FNIP2: variants seen among roughly 807,000 people sequenced by gnomAD.
FNIP2 encodes the protein folliculin-interacting protein 2.
Under a neutral mutation model 108.7 loss-of-function variants are expected in FNIP2, and 32 were observed. The observed-to-expected ratio is 0.29, with a 90% confidence interval of 0.22 to 0.40. The LOEUF (loss-of-function observed/expected upper bound fraction) is 0.40, where lower values mean the gene tolerates loss of function less well. FNIP2 is among the 10% of genes least tolerant of loss of function. The probability of loss-of-function intolerance (pLI) is 1.00; values close to 1 mark genes in which losing one functional copy is unlikely to be tolerated. For missense variants in FNIP2, 1,202 were observed against 1,381.6 expected, an observed-to-expected ratio of 0.87 and a Z score of 2.06; for synonymous variants, 480 against 496.7, an observed-to-expected ratio of 0.97 and a Z score of 0.45.
Position 158,859,677 on chromosome 4 carries a change from A to G in FNIP2, c.1148+11A>G. 1 of 1,607,408 alleles carries G rather than the reference A, an allele frequency of 6.2e-7. No homozygotes were observed. The highest frequency in any genetic ancestry group is 1.3e-5 in the African/African-American group (1 of 74,938). The stretch of plus-strand genomic sequence containing the variant: ...TCTGGGAGAATTCAGGTAAAGTGGC[A>G]AAGTTTGGCAAATCCAACAGGAGAT... On this transcript the variant is annotated intron_variant, in intron 10 of 16. Coordinates refer to ENST00000264433, the MANE Select transcript of FNIP2 (RefSeq NM_020840.3).
chr4:158,905,256 G>C lies in FNIP2; in HGVS notation c.*712G>C, dbSNP rs1729732662. ...TGGTGCAATAAACCCAAGAATCAAT[G>C]TAGCCTCTTAATCCCATCAAGATGT... On this transcript the variant is annotated 3_prime_UTR_variant, in exon 17 of 17. Coordinates refer to ENST00000264433, the MANE Select transcript of FNIP2 (RefSeq NM_020840.3). 1 of 152,268 alleles carries C rather than the reference G, an allele frequency of 6.6e-6. No individual in the cohort carries two copies. The highest frequency in any genetic ancestry group is 1.5e-5 in the Non-Finnish European group (1 of 68,086). The allele number at this position is 152,268 out of a possible 1,614,324, so 9.4% of individuals were successfully genotyped here.
chr4:158,853,300 T>A (rs1223329893), intron 8 of FNIP2, among the ~76,000 whole-genome samples: 3 of 152,218 alleles, frequency 2.0e-5, no homozygotes, highest in Non-Finnish European at 4.4e-5. Context: ...TTTTTGATAA[T>A]TTTTTACTTG....
chr4:158,867,025 C>T (rs770307792), intron 12 of FNIP2, among the ~76,000 whole-genome samples: 2 of 152,188 alleles, frequency 1.3e-5, no homozygotes, highest in African/African-American at 2.4e-5. Context: ...AATAGTTAGG[C>T]ACTGAAGTAC....
chr4:158,769,584 C>A (rs980552568), intron 1 of FNIP2, among the ~76,000 whole-genome samples: 2 of 152,152 alleles, frequency 1.3e-5, no homozygotes, highest in East Asian at 3.9e-4. Flanking sequence ...GGTTCCCGGG[C>A]GTGCGCTGTG....
intron 1 of FNIP2, among the ~76,000 whole-genome samples, chr4:158,809,435 G>A (rs1369412436): frequency 6.6e-6 from 1 of 152,122 alleles, no homozygotes; most frequent in African/African-American, 2.4e-5. Flanking sequence ...CCCCAGCCTG[G>A]GCAACACAGC....
chr4:158,807,426 C>A (rs2126494073), intron 1 of FNIP2, among the ~76,000 whole-genome samples: 1 of 152,186 alleles, frequency 6.6e-6, no homozygotes, highest in South Asian at 2.1e-4. Context: ...TCGCTTGAGC[C>A]CAGGAGTTGT....
intron 1 of FNIP2, among the ~76,000 whole-genome samples, chr4:158,807,284 G>T (rs771372130): frequency 1.9e-4 from 29 of 152,090 alleles, no homozygotes; most frequent in Non-Finnish European, 4.0e-4. Context: ...GATCACTTGA[G>T]CCTAGGAGTT....
chr4:158,771,591 C>T (rs1561272628), intron 1 of FNIP2, among the ~76,000 whole-genome samples: 1 of 152,084 alleles, frequency 6.6e-6, no homozygotes, highest in African/African-American at 2.4e-5. Flanking sequence ...AAGCTAAAAC[C>T]CTTAGATTAA....
chr4:158,827,651 G>C (rs1778232857), intron 2 of FNIP2, among the ~76,000 whole-genome samples: 1 of 152,178 alleles, frequency 6.6e-6, no homozygotes, highest in South Asian at 2.1e-4. Flanking sequence ...CCTCTGAGGG[G>C]CTGTGTTTCT....
intron 1 of FNIP2, among the ~76,000 whole-genome samples, chr4:158,803,469 C>T (rs1306099456): frequency 6.6e-6 from 1 of 152,192 alleles, no homozygotes; most frequent in Non-Finnish European, 1.5e-5. Context: ...CTCTTAGTTA[C>T]TCTCTGAGTT....
At chr4:158,781,708 G>A (rs1454500036) in intron 1 of FNIP2, among the ~76,000 whole-genome samples, 8 of 152,012 alleles carry the variant, frequency 5.3e-5, no homozygotes, top group African/African-American at 1.9e-4. Context: ...GTAGAGACGG[G>A]GTTTCAGCAT....
At chr4:158,843,921 G>C (rs1779260406) in intron 7 of FNIP2, among the ~76,000 whole-genome samples, 2 of 152,144 alleles carry the variant, frequency 1.3e-5, no homozygotes, top group South Asian at 4.1e-4. Flanking sequence ...TCTGTTCTAG[G>C]GTCCTGCCCT....
chr4:158,824,908 T>G (rs1207719096), intron 1 of FNIP2, among the ~76,000 whole-genome samples: 1 of 152,214 alleles, frequency 6.6e-6, no homozygotes, highest in Non-Finnish European at 1.5e-5. Flanking sequence ...CTTCAAGTCC[T>G]TAGGGACTTC....
intron 14 of FNIP2, among the ~76,000 whole-genome samples, chr4:158,888,140 C>T (rs1288839543): frequency 6.6e-6 from 1 of 152,202 alleles, no homozygotes; most frequent in South Asian, 2.1e-4. Flanking sequence ...CTAGTTTGTT[C>T]TTCCTTTAAA....
At chr4:158,769,804 G>A (rs1173274057) in intron 1 of FNIP2, among the ~76,000 whole-genome samples, 4 of 152,214 alleles carry the variant, frequency 2.6e-5, no homozygotes, top group African/African-American at 9.7e-5. Context: ...TATATGACAA[G>A]CTCTCAAACG....
At chr4:158,815,106 C>A (rs907103885) in intron 1 of FNIP2, among the ~76,000 whole-genome samples, 1 of 152,156 alleles carries the variant, frequency 6.6e-6, no homozygotes, top group Non-Finnish European at 1.5e-5. Context: ...CATTTAGTCA[C>A]CAAAACAGCA....
chr4:158,844,811 AT>A (rs1779310961), intron 7 of FNIP2, among the ~76,000 whole-genome samples: 2 of 152,280 alleles, frequency 1.3e-5, no homozygotes, highest in African/African-American at 4.8e-5. Context: ...AGTAGCAAAA[AT>A]TTTTTTTCAG....
intron 7 of FNIP2, chr4:158,836,699 C>G (rs927209381): frequency 1.2e-4 from 18 of 150,156 alleles, no homozygotes; most frequent in African/African-American, 4.2e-4. Context: ...ACCTATAGTC[C>G]TAGCTACTCA....
chr4:158,846,703 G>C (rs977826709), intron 7 of FNIP2, among the ~76,000 whole-genome samples: 1 of 152,174 alleles, frequency 6.6e-6, no homozygotes, highest in South Asian at 2.1e-4. Flanking sequence ...CGTAACAAAT[G>C]ATTTAATCAA....
Sources: gnomAD v4.1 joint callset for allele counts (sites outside exome capture counted in the v4.1 genomes callset) on GRCh38, gnomAD v4.1.1 for gene constraint, MANE v1.5 for transcripts, NCBI Gene and HGNC (gene_info 2026-07-23, HGNC 2026-07-21) for gene names.